The following MAST4 variants were observed in gnomAD, a reference collection of about 807,000 sequenced individuals.
MAST4 encodes the protein microtubule associated serine/threonine kinase family member 4, also known as microtubule-associated serine/threonine-protein kinase 4.
A neutral mutation model predicts 162.7 loss-of-function variants in MAST4; 89 were observed. The ratio of observed to expected loss-of-function variants is 0.55; its 90% CI spans 0.46 to 0.65. The LOEUF (loss-of-function observed/expected upper bound fraction) is 0.65. Ranked by LOEUF, MAST4 falls within the 30% of genes least tolerant of loss-of-function variation. MAST4 has a pLI of 0.00. For synonymous variants in MAST4, 1,479 were observed against 1,361.1 expected, an observed-to-expected ratio of 1.09 and a Z score of -1.91; for missense variants, 3,153 against 3,374.0, an observed-to-expected ratio of 0.93 and a Z score of 1.62.
chr5:67,059,478 A>G (rs13189948), intron 5 of MAST4, among the ~76,000 whole-genome samples: 33,681 of 152,086 alleles, frequency 0.22, 4,053 homozygotes, highest in Non-Finnish European at 0.25. Context: ...GTAACACTTC[A>G]TATTGTATTT....
chr5:66,666,295 C>T (rs901628074), intron 1 of MAST4, among the ~76,000 whole-genome samples: 10 of 152,296 alleles, frequency 6.6e-5, no homozygotes, highest in South Asian at 6.2e-4. Flanking sequence ...TCAGACCGCT[C>T]TCTGATGGTA....
intron 5 of MAST4, among the ~76,000 whole-genome samples, chr5:67,062,184 G>T (rs143548934): frequency 6.6e-6 from 1 of 152,138 alleles, no homozygotes; most frequent in East Asian, 1.9e-4. Context: ...GGCGGATTAC[G>T]AGGTTGGGAG....
chr5:66,603,700 G>GT, intron 1 of MAST4, among the ~76,000 whole-genome samples: 1 of 152,136 alleles, frequency 6.6e-6, no homozygotes, highest in Non-Finnish European at 1.5e-5. Context: ...AAACATTTTG[G>GT]TTTTTAAGAC....
At chr5:67,122,967 C>G (rs539967603) in intron 14 of MAST4, among the ~76,000 whole-genome samples, 1 of 152,292 alleles carries the variant, frequency 6.6e-6, no homozygotes, top group African/African-American at 2.4e-5. Flanking sequence ...TTTCTCTTCT[C>G]AGATTTAATC....
At chr5:66,998,253 C>T (rs551902140) in intron 4 of MAST4, among the ~76,000 whole-genome samples, 2 of 152,292 alleles carry the variant, frequency 1.3e-5, no homozygotes, top group Middle Eastern at 3.4e-3. Flanking sequence ...AAATGATGCA[C>T]CTTAGACCCA....
chr5:67,100,061 C>T (rs1014939727), intron 7 of MAST4, among the ~76,000 whole-genome samples: 3 of 152,114 alleles, frequency 2.0e-5, no homozygotes, highest in Non-Finnish European at 4.4e-5. Context: ...TGATTTTGAG[C>T]AGCAGTAAAC....
intron 4 of MAST4, among the ~76,000 whole-genome samples, chr5:66,901,523 T>C (rs1763011009): frequency 6.6e-6 from 1 of 152,114 alleles, no homozygotes; most frequent in South Asian, 2.1e-4. Flanking sequence ...ATGGGATCTT[T>C]AGTGAAAAAA....
At chr5:66,878,675 C>T (rs527351146) in intron 3 of MAST4, among the ~76,000 whole-genome samples, 3 of 152,176 alleles carry the variant, frequency 2.0e-5, no homozygotes, top group Non-Finnish European at 2.9e-5. Flanking sequence ...CTCTTTTAGC[C>T]TCAAGTAATC....
intron 3 of MAST4, among the ~76,000 whole-genome samples, chr5:66,892,358 G>C (rs557046886): frequency 6.6e-6 from 1 of 152,068 alleles, no homozygotes; most frequent in African/African-American, 2.4e-5. Flanking sequence ...TCTATTCCAG[G>C]CCTTTTCACA....
At chr5:66,875,544 A>G (rs1761236387) in intron 3 of MAST4, among the ~76,000 whole-genome samples, 1 of 152,252 alleles carries the variant, frequency 6.6e-6, no homozygotes, top group Non-Finnish European at 1.5e-5. Context: ...TATTTTGAAG[A>G]TTAAATGAGA....
intron 1 of MAST4, among the ~76,000 whole-genome samples, chr5:66,613,356 G>A (rs554034306): frequency 2.8e-4 from 41 of 148,778 alleles, no homozygotes; most frequent in African/African-American, 9.4e-4. Flanking sequence ...CTTTGGGATA[G>A]CATTGTCTTC....
chr5:67,045,524 C>T (rs560459918), intron 4 of MAST4, among the ~76,000 whole-genome samples: 7 of 152,310 alleles, frequency 4.6e-5, no homozygotes, highest in African/African-American at 1.4e-4. Context: ...TTTCAGTCAA[C>T]AACAGACCAC....
At chr5:66,899,026 G>T (rs1762850836) in intron 3 of MAST4, among the ~76,000 whole-genome samples, 1 of 152,172 alleles carries the variant, frequency 6.6e-6, no homozygotes, top group Non-Finnish European at 1.5e-5. Context: ...CACCTGAAAG[G>T]CAGAAAAATA....
intron 2 of MAST4, among the ~76,000 whole-genome samples, chr5:66,788,297 T>G (rs2149674141): frequency 6.6e-6 from 1 of 152,346 alleles, no homozygotes; most frequent in East Asian, 1.9e-4. Context: ...CTTTCCATAT[T>G]AGATTTTTTC....
intron 1 of MAST4, among the ~76,000 whole-genome samples, chr5:66,678,295 G>T (rs1308624615): frequency 6.6e-6 from 1 of 152,002 alleles, no homozygotes; most frequent in African/African-American, 2.4e-5. Context: ...TGGTCAAAGG[G>T]TACAAAGTTA....
intron 4 of MAST4, among the ~76,000 whole-genome samples, chr5:66,954,428 T>C (rs1745054629): frequency 6.6e-6 from 1 of 152,192 alleles, no homozygotes. Flanking sequence ...TTCTGCAATA[T>C]AGGGAGGGTC....
At chr5:66,814,102 A>T (rs1382601714) in intron 3 of MAST4, among the ~76,000 whole-genome samples, 2 of 152,204 alleles carry the variant, frequency 1.3e-5, no homozygotes, top group Non-Finnish European at 2.9e-5. Flanking sequence ...TCTCAGGAGC[A>T]GACAGTGCTG....
At chr5:66,714,904 G>A (rs974300775) in intron 1 of MAST4, among the ~76,000 whole-genome samples, 11 of 152,222 alleles carry the variant, frequency 7.2e-5, no homozygotes, top group African/African-American at 2.6e-4. Context: ...CTTCTCTCAC[G>A]TACATTCTCT....
chr5:67,083,688 A>G (rs1307659885), intron 5 of MAST4, among the ~76,000 whole-genome samples: 2 of 152,180 alleles, frequency 1.3e-5, no homozygotes, highest in African/African-American at 4.8e-5. Flanking sequence ...TCAGTCTATA[A>G]TTAATTATGT....
Sources: allele counts gnomAD v4.1 joint callset (sites outside exome capture counted in the v4.1 genomes callset), GRCh38; gene constraint gnomAD v4.1.1; transcripts MANE v1.5; gene names NCBI Gene and HGNC (gene_info 2026-07-23, HGNC 2026-07-21).